SLC28A1: variants seen among roughly 807,000 people sequenced by gnomAD.
SLC28A1 encodes sodium/nucleoside cotransporter 1.
A neutral mutation model predicts 74.8 loss-of-function variants in SLC28A1; 64 were observed. The observed-to-expected ratio is 0.86, with a 90% CI of 0.70 to 1.05. SLC28A1 has a LOEUF of 1.05. Among genes scored for constraint, SLC28A1 ranks in the 50% least tolerant of loss-of-function variants. The probability of loss-of-function intolerance (pLI) is 0.00; values close to 1 mark genes in which losing one functional copy is unlikely to be tolerated. For missense variants in SLC28A1, 828 were observed against 822.8 expected (o/e 1.01, Z -0.08); for synonymous variants, 359 against 335.0 (o/e 1.07, Z -0.78).
chr15:84,913,866 C>A (rs1050572081), intron 9 of SLC28A1, among the ~76,000 whole-genome samples: 3 of 151,796 alleles, frequency 2.0e-5, no homozygotes, highest in Non-Finnish European at 4.4e-5. Flanking sequence ...TCTGTTGAGG[C>A]CCACTTTGCT....
chr15:84,923,098 C>T (rs141733466), intron 11 of SLC28A1, among the ~76,000 whole-genome samples: 14,432 of 152,124 alleles, frequency 0.095, 909 homozygotes, highest in Admixed American at 0.14. Flanking sequence ...TCAGCATGCC[C>T]GGCTAATTTT....
rs148747980 is a variant in SLC28A1 at position 84,887,837 on chromosome 15, C to A, written c.77C>A (p.Ala26Asp). 99 of 1,613,516 alleles carry A rather than the reference C, an allele frequency of 6.1e-5. No homozygotes were observed. In the African/African-American group the frequency reaches 1.2e-3, roughly 20 times the overall value. Residue 26 changes from alanine to aspartate, a missense_variant, in exon 3 of 19, where the codon GCT becomes GAT. Ala to Asp is a moderately radical substitution (Grantham distance 126). Transcript: ENST00000394573. ...GCCAAGGGTCTGGAGAACATGGGGG[C>A]TGATTTCTTGGAAAGCCTGGTCTGT... is the stretch of plus-strand genomic sequence containing the variant. ...PVAKGLENMGADFLESLEEGQ... is the reference protein window; with the variant it reads ...PVAKGLENMGDDFLESLEEGQ...
In SLC28A1 at chr15:84,935,523, G is replaced by C; in HGVS notation, c.1581+5G>C. 6.2e-7 allele frequency: 1 copy of C among 1,611,442 alleles called. No homozygotes were observed. Among genetic ancestry groups the C allele is most frequent in the Non-Finnish European group, 8.5e-7 (1 of 1,179,126 alleles). On this transcript the variant is annotated splice_donor_5th_base_variant and intron_variant, in intron 15 of 18. Coordinates refer to ENST00000394573, the MANE Select transcript of SLC28A1 (RefSeq NM_004213.5). ...GACAGGAAGCAGTGGATCTCCGTGAGTGTCCCAGTCCCTTCCCTGCAGCAG... is the reference window on the plus strand; with the variant it reads ...GACAGGAAGCAGTGGATCTCCGTGACTGTCCCAGTCCCTTCCCTGCAGCAG...
At chr15:84,947,231 C>T (rs1314310095), downstream of SLC28A1, among the ~76,000 whole-genome samples, 1 of 152,226 alleles carries the variant, frequency 6.6e-6, no homozygotes, top group Admixed American at 6.5e-5. Flanking sequence ...CTTCTCTCTG[C>T]AGCCCTCCCT....
At chr15:84,906,383 A>G (rs1967111742) in intron 8 of SLC28A1, among the ~76,000 whole-genome samples, 1 of 151,860 alleles carries the variant, frequency 6.6e-6, no homozygotes, top group African/African-American at 2.4e-5. Context: ...TGGTGTGGAT[A>G]TGGCTCACTG....
At chr15:84,950,821 G>T in the SLC28A1 span, among the ~76,000 whole-genome samples, 3 of 152,188 alleles carry the variant, frequency 2.0e-5, no homozygotes, top group African/African-American at 7.2e-5. Flanking sequence ...GCCCTTGGAA[G>T]AGGGTTCTGT....
chr15:84,944,923 T>G, intron 18 of SLC28A1, 56 bp downstream of exon 18: 2 of 1,316,902 alleles, frequency 1.5e-6, no homozygotes, highest in South Asian at 1.2e-5. Context: ...ACAGAATGCC[T>G]GAGCGCTGGG....
intron 9 of SLC28A1, among the ~76,000 whole-genome samples, chr15:84,917,919 T>C (rs2141892247): frequency 6.6e-6 from 1 of 152,056 alleles, no homozygotes; most frequent in East Asian, 1.9e-4. Context: ...TGGGTGAGCT[T>C]GGAGTGAAGG....
rs375417685 is a variant in SLC28A1 at position 84,904,094 on chromosome 15, C to T, written c.462-3C>T. 294 of 1,614,070 alleles carry T rather than the reference C, an allele frequency of 1.8e-4. No individual in the cohort carries two copies. Among genetic ancestry groups the T allele is most frequent in the Non-Finnish European group, 2.3e-4 (269 of 1,180,046 alleles). On this transcript the variant is annotated splice_polypyrimidine_tract_variant and splice_region_variant and intron_variant, in intron 6 of 18. Coordinates refer to ENST00000394573, the MANE Select transcript of SLC28A1 (RefSeq NM_004213.5). ...GTAATGGCTTTCTGTCTCTTGCCTGCAGGGGTCTAGCTCTTGCTGCTTTCC... is the reference window on the plus strand; with the variant it reads ...GTAATGGCTTTCTGTCTCTTGCCTGTAGGGGTCTAGCTCTTGCTGCTTTCC...
intron 8 of SLC28A1, among the ~76,000 whole-genome samples, chr15:84,907,658 A>T (rs1967441666): frequency 6.6e-6 from 1 of 152,054 alleles, no homozygotes; most frequent in African/African-American, 2.4e-5. Flanking sequence ...GGCATGAGCC[A>T]CTACACCTGG....
chr15:84,971,245 A>G, the SLC28A1 span, among the ~76,000 whole-genome samples: 1 of 152,336 alleles, frequency 6.6e-6, no homozygotes, highest in East Asian at 1.9e-4. Flanking sequence ...TGAAAGGGCT[A>G]GAGAACAAAA....
rs531736423 is a variant in SLC28A1, at chr15:84,935,074, C to T, written c.1263C>T (p.Ser421=). The T allele has an allele frequency of 6.8e-6, 11 of 1,614,106 alleles. No homozygotes were observed. The highest frequency in any genetic ancestry group is 2.2e-5 in the East Asian group (1 of 44,884). Reference sequence around the variant, plus strand: ...CAGCCAGCACTGGGGCCGCCATCTCCGTGAAGGTGGTCGCCAACATCGCTG... The same window carrying T: ...CAGCCAGCACTGGGGCCGCCATCTCTGTGAAGGTGGTCGCCAACATCGCTG... ...IEAASTGAAI[S]VKVVANIAAN... is the part of the protein sequence containing the mutation. Residue 421 remains serine (S), a synonymous_variant, in exon 14 of 19, where the codon TCC becomes TCT. Transcript: ENST00000394573.
intron 9 of SLC28A1, among the ~76,000 whole-genome samples, chr15:84,912,480 C>G (rs1296691432): frequency 6.6e-6 from 1 of 152,110 alleles, no homozygotes; most frequent in East Asian, 1.9e-4. Context: ...GACCTGGAGT[C>G]CAGCACAGTG....
intron 10 of SLC28A1, 53 bp from the exon 11 acceptor site, chr15:84,920,936 G>C (rs1969758269): frequency 7.0e-7 from 1 of 1,423,438 alleles, no homozygotes; most frequent in Non-Finnish European, 9.9e-7. Context: ...AGCCCCCTCT[G>C]ACTCTGGGGT....
At chr15:84,931,351 AT>A (rs1266868663) in intron 12 of SLC28A1, among the ~76,000 whole-genome samples, 3 of 151,806 alleles carry the variant, frequency 2.0e-5, no homozygotes, top group African/African-American at 7.3e-5. Flanking sequence ...ATTAAAAAAA[AT>A]ATTGTTGTGG....
chr15:84,923,879 G>T, intron 11 of SLC28A1, 106 bp from the exon 12 acceptor site: 1 of 1,474,106 alleles, frequency 6.8e-7, no homozygotes, highest in Non-Finnish European at 9.4e-7. Flanking sequence ...ACCCCATCCT[G>T]CTGCCTCTTA....
chr15:84,914,294 C>T (rs1596293107), intron 9 of SLC28A1, among the ~76,000 whole-genome samples: 1 of 152,186 alleles, frequency 6.6e-6, no homozygotes, highest in Non-Finnish European at 1.5e-5. Context: ...CCCTCATAAC[C>T]TAATCACCCC....
intron 11 of SLC28A1, 55 bp downstream of exon 11, chr15:84,921,124 C>T (rs1199521409): frequency 8.2e-6 from 11 of 1,337,648 alleles, no homozygotes; most frequent in Non-Finnish European, 1.1e-5. Context: ...CCAAAGAGGG[C>T]AGTTTCCCTG....
chr15:84,906,372 GT>G (rs1323180200), intron 8 of SLC28A1, among the ~76,000 whole-genome samples: 1 of 152,074 alleles, frequency 6.6e-6, no homozygotes, highest in Non-Finnish European at 1.5e-5. Flanking sequence ...GCTGAGTGCA[GT>G]GGTGTGGATA....
Sources: gnomAD v4.1 joint callset for allele counts (sites outside exome capture counted in the v4.1 genomes callset) on GRCh38, gnomAD v4.1.1 for gene constraint, MANE v1.5 for transcripts, NCBI Gene and HGNC (gene_info 2026-07-23, HGNC 2026-07-21) for gene names.